The following GSE1 variants were observed in gnomAD, a reference collection of about 807,000 sequenced individuals.
GSE1 encodes genetic suppressor element 1.
A neutral mutation model predicts 112.6 loss-of-function variants in GSE1; 32 were observed. The observed-to-expected ratio is 0.28, with a 90% confidence interval of 0.21 to 0.38. The LOEUF (loss-of-function observed/expected upper bound fraction) is 0.38. Among genes scored for constraint, GSE1 ranks in the 10% least tolerant of loss-of-function variants. The pLI, the probability that GSE1 is intolerant of heterozygous loss-of-function variation, is 1.00. For synonymous variants in GSE1, 1,115 were observed against 735.6 expected (o/e 1.52, Z -8.35); for missense variants, 2,348 against 1,699.2 (o/e 1.38, Z -6.71).
chr16:85,347,083 G>T (rs1340541962), intron 1 of GSE1, among the ~76,000 whole-genome samples: 1 of 152,192 alleles, frequency 6.6e-6, no homozygotes, highest in Non-Finnish European at 1.5e-5. Flanking sequence ...GGTGTTTCAG[G>T]AAGGCCGCTG....
At chr16:85,480,242 A>T (rs2050629336) in intron 2 of GSE1, among the ~76,000 whole-genome samples, 1 of 152,234 alleles carries the variant, frequency 6.6e-6, no homozygotes, top group Admixed American at 6.5e-5. Flanking sequence ...TGACCCTGAC[A>T]TTGTACCACT....
chr16:85,403,097 G>GT (rs967873229), intron 2 of GSE1, among the ~76,000 whole-genome samples: 1 of 151,700 alleles, frequency 6.6e-6, no homozygotes, highest in Non-Finnish European at 1.5e-5. Context: ...TTGCTGGGGG[G>GT]GGACTCAGTT....
At chr16:85,236,011 G>C (rs1386386758) in intron 1 of GSE1, among the ~76,000 whole-genome samples, 1 of 150,722 alleles carries the variant, frequency 6.6e-6, no homozygotes. Flanking sequence ...GCTGAGGCTG[G>C]GCCTGGGGCT....
chr16:85,489,651 T>G (rs1387692238), intron 2 of GSE1, among the ~76,000 whole-genome samples: 3 of 150,878 alleles, frequency 2.0e-5, no homozygotes, highest in Non-Finnish European at 4.4e-5. Flanking sequence ...GAGGATGGGC[T>G]CTTCCCAGCT....
chr16:85,520,081 A>G (rs760697320), intron 2 of GSE1, among the ~76,000 whole-genome samples: 3 of 152,172 alleles, frequency 2.0e-5, no homozygotes, highest in Non-Finnish European at 4.4e-5. Context: ...TGGCTTAACA[A>G]CCATCGAAAT....
At position 85,329,307 on chromosome 16, in the gene GSE1, C is replaced by T. The variant is rs1231262932; in HGVS notation, c.2284-28156C>T. ...GTGTGTGAAGTGAGTGGAGAAGGAC[C>T]TTCGGAGCACCCGTGTGCTGTGAAT... On this transcript the variant is annotated intron_variant, in intron 1 of 2. Transcript: ENST00000637419. 2.0e-5 allele frequency among the ~76,000 whole-genome samples: 3 copies of T among 152,274 alleles called. No individual in the cohort carries two copies. The East Asian group carries it at 5.8e-4, about 29-fold the overall frequency.
chr16:85,648,814 A>C, intron 3 of GSE1, 63 bp downstream of exon 3: 1 of 956,052 alleles, frequency 1.0e-6, no homozygotes, highest in Non-Finnish European at 1.5e-6. Context: ...TCAGGCATCC[A>C]TTGGGGGCTC....
At chr16:85,314,126 C>T (rs1055884260) in intron 1 of GSE1, among the ~76,000 whole-genome samples, 2 of 152,030 alleles carry the variant, frequency 1.3e-5, no homozygotes, top group Admixed American at 6.6e-5. Flanking sequence ...TGTGACACAG[C>T]CTAGCTCAGA....
intron 1 of GSE1, among the ~76,000 whole-genome samples, chr16:85,318,031 A>G (rs1486631502): frequency 6.6e-6 from 1 of 152,238 alleles, no homozygotes. Context: ...AGATCTGGCC[A>G]CAGGACAAGG....
chr16:85,315,352 A>C (rs1007049345), intron 1 of GSE1, among the ~76,000 whole-genome samples: 2 of 152,084 alleles, frequency 1.3e-5, no homozygotes, highest in African/African-American at 4.8e-5. Flanking sequence ...TTTGCTTACA[A>C]ATAGGGTTCA....
intron 1 of GSE1, 143 bp downstream of exon 1, chr16:85,613,541 C>T (rs2048142029): frequency 2.5e-6 from 2 of 794,424 alleles, no homozygotes; most frequent in Non-Finnish European, 3.9e-6. Flanking sequence ...CGATAAGAGC[C>T]GGGAGGGCGG....
At chr16:85,275,948 A>G (rs1909317645) in intron 1 of GSE1, among the ~76,000 whole-genome samples, 1 of 152,228 alleles carries the variant, frequency 6.6e-6, no homozygotes, top group African/African-American at 2.4e-5. Context: ...GCTATAGGCA[A>G]AGTCAGAGGG....
rs1032325834 is a variant in GSE1, at chr16:85,621,112, G to T, written c.7+7714G>T. On this transcript the variant is annotated intron_variant, in intron 1 of 15. Coordinates refer to ENST00000253458, the MANE Select transcript of GSE1 (RefSeq NM_014615.5). Reference sequence around the variant, plus strand: ...CACTGTTGGGGAACCCGTGTAGATGGTCTTGGCCCTGGGTCTCTGCCCTGT... The same window carrying T: ...CACTGTTGGGGAACCCGTGTAGATGTTCTTGGCCCTGGGTCTCTGCCCTGT... Among the ~76,000 whole-genome samples, 4 of 151,326 alleles carry T rather than the reference G, an allele frequency of 2.6e-5. No homozygotes were observed. In the South Asian group the frequency reaches 6.3e-4, roughly 24 times the overall value.
At chr16:85,500,997 T>TG (rs2051341400) in intron 2 of GSE1, among the ~76,000 whole-genome samples, 2 of 115,688 alleles carry the variant, frequency 1.7e-5, no homozygotes, top group Admixed American at 1.9e-4. Flanking sequence ...TGGCCTGTTC[T>TG]GTTTTTTTTT....
chr16:85,532,863 G>T (rs772634458), intron 2 of GSE1, among the ~76,000 whole-genome samples: 2 of 152,190 alleles, frequency 1.3e-5, no homozygotes, highest in Non-Finnish European at 2.9e-5. Flanking sequence ...GAAGTGGGCC[G>T]CCCCTGCAAG....
At chr16:85,544,850 C>T (rs908836911) in intron 2 of GSE1, among the ~76,000 whole-genome samples, 3 of 152,208 alleles carry the variant, frequency 2.0e-5, no homozygotes, top group Non-Finnish European at 4.4e-5. Flanking sequence ...AAAGCCTTGT[C>T]GGTTTGCCCC....
At chr16:85,450,577 T>A (rs771980154) in intron 2 of GSE1, among the ~76,000 whole-genome samples, 1 of 151,904 alleles carries the variant, frequency 6.6e-6, no homozygotes, top group Non-Finnish European at 1.5e-5. Flanking sequence ...GCCTCCCAAG[T>A]AGCTGGGATT....
At chr16:85,630,783 T>C (rs1037350459) in intron 1 of GSE1, among the ~76,000 whole-genome samples, 1 of 152,214 alleles carries the variant, frequency 6.6e-6, no homozygotes, top group African/African-American at 2.4e-5. Flanking sequence ...CTGGACATGC[T>C]GCTCAACTGA....
At chr16:85,302,448 G>GC (rs55673103) in intron 1 of GSE1, among the ~76,000 whole-genome samples, 19,519 of 149,402 alleles carry the variant, frequency 0.13, 1,447 homozygotes, top group African/African-American at 0.18. Context: ...ACAGCACACC[G>GC]CCCCCCCCCG....
Sources: gnomAD v4.1 joint callset for allele counts (sites outside exome capture counted in the v4.1 genomes callset) on GRCh38, gnomAD v4.1.1 for gene constraint, MANE v1.5 for transcripts, NCBI Gene and HGNC (gene_info 2026-07-23, HGNC 2026-07-21) for gene names.